XXYLT1: variants seen among roughly 807,000 people sequenced by gnomAD.
The protein encoded by XXYLT1 is xyloside xylosyltransferase 1, also known as UDP-xylose:alpha-xyloside alpha-1,3-xylosyltransferase.
A neutral mutation model predicts 28.9 loss-of-function variants in XXYLT1; 20 were observed. That is an observed-to-expected ratio of 0.69 (90% CI 0.49 to 1.00). The LOEUF (loss-of-function observed/expected upper bound fraction) is 1.00, where lower values mean the gene tolerates loss of function less well. XXYLT1 is among the 50% of genes least tolerant of loss of function. The pLI, the probability that XXYLT1 is intolerant of heterozygous loss-of-function variation, is 0.00. For synonymous variants in XXYLT1, 257 were observed against 253.8 expected (o/e 1.01, Z -0.12); for missense variants, 542 against 560.1 (o/e 0.97, Z 0.33).
At chr3:195,087,593 G>T (rs1715805339) in intron 3 of XXYLT1, among the ~76,000 whole-genome samples, 1 of 152,206 alleles carries the variant, frequency 6.6e-6, no homozygotes, top group African/African-American at 2.4e-5. Flanking sequence ...ACCCAGAACA[G>T]CCAACTGGAA....
At chr3:195,205,992 T>C (rs1287145609) in intron 2 of XXYLT1, among the ~76,000 whole-genome samples, 1 of 151,846 alleles carries the variant, frequency 6.6e-6, no homozygotes, top group African/African-American at 2.4e-5. Context: ...CTCATGGTAA[T>C]CTACAATTAT....
intron 3 of XXYLT1, among the ~76,000 whole-genome samples, chr3:195,143,886 A>ATATTTATT (rs1383367062): frequency 8.6e-6 from 1 of 116,852 alleles, no homozygotes; most frequent in African/African-American, 3.5e-5. Context: ...ATATATATAT[A>ATATTTATT]TATTTATTTT....
In XXYLT1 at chr3:195,076,628, G is replaced by A. The variant is rs1281848858; in HGVS notation, c.786-6517C>T. ...GCAGAAAGGTGCTGCCTCTCCGTTC[G>A]GCGGGCTGGAAGTCCAAGATCACAG... On this transcript the variant is annotated intron_variant, in intron 3 of 3. Coordinates refer to ENST00000310380, the MANE Select transcript of XXYLT1 (RefSeq NM_152531.5). The surrounding 1 kb of genome is among the most constrained non-coding windows in gnomAD (Gnocchi z 5.3). Among the ~76,000 whole-genome samples, 9 of 152,192 alleles carry A rather than the reference G, an allele frequency of 5.9e-5. No individual in the cohort carries two copies. The highest frequency in any genetic ancestry group is 4.6e-4 in the Admixed American group (7 of 15,282).
intron 1 of XXYLT1, among the ~76,000 whole-genome samples, chr3:195,245,879 C>T (rs565393669): frequency 5.3e-5 from 8 of 152,312 alleles, no homozygotes; most frequent in South Asian, 4.1e-4. Flanking sequence ...CATCACCTTC[C>T]GCCATGACCG....
chr3:195,219,093 C>T (rs1466881362), intron 2 of XXYLT1, among the ~76,000 whole-genome samples: 2 of 150,850 alleles, frequency 1.3e-5, no homozygotes, highest in African/African-American at 2.4e-5. Context: ...CATATTCTCA[C>T]TCATAGGTGG....
chr3:195,071,132 G>C (rs187177407), intron 3 of XXYLT1, among the ~76,000 whole-genome samples: 5 of 152,054 alleles, frequency 3.3e-5, no homozygotes, highest in Admixed American at 6.5e-5. Flanking sequence ...ACCCACAGAG[G>C]AGGGGCCACA....
chr3:195,155,357 C>T (rs982450029), intron 3 of XXYLT1, among the ~76,000 whole-genome samples: 2 of 152,138 alleles, frequency 1.3e-5, no homozygotes, highest in African/African-American at 2.4e-5. Flanking sequence ...GAACAAAGAG[C>T]GGGGCATGCC....
intron 3 of XXYLT1, among the ~76,000 whole-genome samples, chr3:195,109,038 T>C (rs1251528061): frequency 6.6e-6 from 1 of 152,168 alleles, no homozygotes; most frequent in East Asian, 1.9e-4. Flanking sequence ...ATTTCCAATA[T>C]ATTGATAAAG....
intron 2 of XXYLT1, among the ~76,000 whole-genome samples, chr3:195,188,761 T>G (rs765254974): frequency 2.6e-5 from 4 of 152,236 alleles, no homozygotes; most frequent in Non-Finnish European, 5.9e-5. Context: ...CAAGGTTGAA[T>G]GGCAACATTT....
intron 1 of XXYLT1, among the ~76,000 whole-genome samples, chr3:195,243,248 A>G (rs1490155082): frequency 6.6e-6 from 1 of 152,102 alleles, no homozygotes; most frequent in African/African-American, 2.4e-5. Context: ...ATTAGGAGAT[A>G]CACGTAATGT....
chr3:195,114,190 T>C (rs1238982191), intron 3 of XXYLT1, among the ~76,000 whole-genome samples: 1 of 152,214 alleles, frequency 6.6e-6, no homozygotes, highest in Non-Finnish European at 1.5e-5. Flanking sequence ...GCAACAACTG[T>C]GCCCCAGTCC....
chr3:195,237,572 C>T (rs1724606509), intron 1 of XXYLT1, among the ~76,000 whole-genome samples: 1 of 105,976 alleles, frequency 9.4e-6, no homozygotes, highest in African/African-American at 3.5e-5. Context: ...AGATCGTTGT[C>T]AAATTTGGTG....
At chr3:195,169,154 A>G (rs1446855122) in intron 2 of XXYLT1, among the ~76,000 whole-genome samples, 1 of 152,234 alleles carries the variant, frequency 6.6e-6, no homozygotes, top group African/African-American at 2.4e-5. Flanking sequence ...CATGATGGCT[A>G]CACAGGTCGC....
In XXYLT1 at chr3:195,078,082, G is replaced by A. The variant is rs558362403; in HGVS notation, c.786-7971C>T. Among the ~76,000 whole-genome samples, 17 of 152,252 alleles carry A rather than the reference G, an allele frequency of 1.1e-4. No homozygotes were observed. The highest frequency in any genetic ancestry group is 8.3e-4 in the South Asian group (4 of 4,820). Reference sequence around the variant, plus strand: ...TTTAAGCCTGGATCCCTACTCAGACGGCGGAGCCAGAAACAGCCATGGCGG... The same window carrying A: ...TTTAAGCCTGGATCCCTACTCAGACAGCGGAGCCAGAAACAGCCATGGCGG... On this transcript the variant is annotated intron_variant, in intron 3 of 3. Transcript: ENST00000310380. This position sits in a 1 kb window ranked among gnomAD's most constrained non-coding sequence, Gnocchi z 5.0.
chr3:195,208,549 C>G (rs1723173001), intron 2 of XXYLT1, among the ~76,000 whole-genome samples: 1 of 152,226 alleles, frequency 6.6e-6, no homozygotes, highest in East Asian at 1.9e-4. Context: ...AGACAACGCT[C>G]GTGACGGGAA....
intron 3 of XXYLT1, among the ~76,000 whole-genome samples, chr3:195,103,761 T>C (rs1245696076): frequency 1.3e-5 from 2 of 152,130 alleles, no homozygotes; most frequent in Admixed American, 1.3e-4. Context: ...AGAGAAACAA[T>C]GCAATCTTGT....
At chr3:195,131,788 A>C (rs985349607) in intron 3 of XXYLT1, among the ~76,000 whole-genome samples, 1 of 152,236 alleles carries the variant, frequency 6.6e-6, no homozygotes, top group African/African-American at 2.4e-5. Flanking sequence ...CAAAATATAT[A>C]ATATTACCAC....
chr3:195,186,852 C>T (rs955766757), intron 2 of XXYLT1, among the ~76,000 whole-genome samples: 5 of 151,558 alleles, frequency 3.3e-5, no homozygotes, highest in African/African-American at 1.2e-4. Context: ...CTGGTGATAA[C>T]CTCTCCACGG....
chr3:195,074,816 G>A (rs1004038200), intron 3 of XXYLT1, among the ~76,000 whole-genome samples: 1 of 152,180 alleles, frequency 6.6e-6, no homozygotes, highest in Non-Finnish European at 1.5e-5. Flanking sequence ...TCCTGGAGTT[G>A]TAGGACCACC....
Sources: gnomAD v4.1 joint callset for allele counts (sites outside exome capture counted in the v4.1 genomes callset) on GRCh38, gnomAD v4.1.1 for gene constraint, Gnocchi (gnomAD v3.1) non-coding constraint, MANE v1.5 for transcripts, NCBI Gene and HGNC (gene_info 2026-07-23, HGNC 2026-07-21) for gene names.